The following FGFR2 variants were observed in gnomAD, a reference collection of about 807,000 sequenced individuals.
FGFR2 encodes BEK fibroblast growth factor receptor.
In FGFR2, 19 loss-of-function variants were observed where a neutral mutation model predicts 95.9. The ratio of observed to expected loss-of-function variants is 0.20; its 90% CI spans 0.14 to 0.29. FGFR2 has a LOEUF of 0.29. Ranked by LOEUF, FGFR2 falls within the 10% of genes least tolerant of loss-of-function variation. The probability of loss-of-function intolerance (pLI) is 1.00; values close to 1 mark genes in which losing one functional copy is unlikely to be tolerated. For synonymous variants in FGFR2, 392 were observed against 393.3 expected, an observed-to-expected ratio of 1.00 and a Z score of 0.04; for missense variants, 707 against 1,056.9, an observed-to-expected ratio of 0.67 and a Z score of 4.59.
At chr10:121,498,798 C>G (rs1564880074) in intron 11 of FGFR2, among the ~76,000 whole-genome samples, 193 bp from the exon 12 acceptor site, 1 of 152,216 alleles carries the variant, frequency 6.6e-6, no homozygotes, top group Non-Finnish European at 1.5e-5. Context: ...CACTCTGTGT[C>G]AAAGAGCTCA....
chr10:121,525,526 GCTCTGT>G (rs1851237327), intron 6 of FGFR2, among the ~76,000 whole-genome samples: 1 of 152,108 alleles, frequency 6.6e-6, no homozygotes, highest in Non-Finnish European at 1.5e-5. Flanking sequence ...ATCAGGATGG[GCTCTGT>G]CAAGCCCTGC....
chr10:121,484,623 T>C (rs796182517), intron 16 of FGFR2, among the ~76,000 whole-genome samples: 2 of 152,146 alleles, frequency 1.3e-5, no homozygotes, highest in African/African-American at 4.8e-5. Flanking sequence ...CTGGAGGGGT[T>C]GAGGCAGGAG....
At chr10:121,536,497 T>A (rs1311876040) in intron 6 of FGFR2, among the ~76,000 whole-genome samples, 2 of 152,208 alleles carry the variant, frequency 1.3e-5, no homozygotes, top group African/African-American at 4.8e-5. Flanking sequence ...CCACGCTCTC[T>A]CTACATTACA....
rs562107805 is a variant in FGFR2 at position 121,519,897 on chromosome 10, C to T, written c.939+82G>A. 11 of 1,366,838 alleles carry T rather than the reference C, an allele frequency of 8.0e-6. No individual in the cohort carries two copies. In the East Asian group the frequency reaches 2.1e-4, roughly 26 times the overall value. 84.7% of individuals were successfully genotyped at this position (1,366,838 alleles called of 1,614,324 possible). On this transcript the variant is annotated intron_variant, in intron 7 of 17. Transcript: ENST00000358487. ...AAAGAGAATCATCCTCTCTCAACTC[C>T]AACAGGAAATCAAAGAACCTGTGGC...
Position 121,500,814 on chromosome 10 carries a change from CT to C in FGFR2, c.1561+11del, listed in dbSNP as rs1427985259. The stretch of plus-strand genomic sequence containing the variant: ...CCCAGCCCCTCCCCGAGCCTCCCGC[CT>C]CCCCGCTCACCTTTCAACATCTTCA... On this transcript the variant is annotated intron_variant, in intron 11 of 17. Transcript: ENST00000358487. 1 of 1,613,700 alleles carries C rather than the reference CT, an allele frequency of 6.2e-7. No individual in the cohort carries two copies. The highest frequency in any genetic ancestry group is 8.5e-7 in the Non-Finnish European group (1 of 1,180,052).
intron 9 of FGFR2, among the ~76,000 whole-genome samples, chr10:121,512,961 C>G (rs546357105): frequency 6.6e-6 from 1 of 152,184 alleles, no homozygotes; most frequent in Non-Finnish European, 1.5e-5. Flanking sequence ...CCTCCACCTC[C>G]CAGGTTCAAG....
intron 2 of FGFR2, among the ~76,000 whole-genome samples, chr10:121,585,616 A>C (rs1214568527): frequency 6.6e-6 from 1 of 152,216 alleles, no homozygotes; most frequent in African/African-American, 2.4e-5. Context: ...GAGAGATTCA[A>C]ACCTACCTCC....
At chr10:121,563,352 T>C (rs761112990) in intron 4 of FGFR2, among the ~76,000 whole-genome samples, 50 of 152,034 alleles carry the variant, frequency 3.3e-4, no homozygotes, top group Non-Finnish European at 6.8e-4. Context: ...CCAGCCTGGG[T>C]GACAGAACAA....
chr10:121,517,279 G>A lies in FGFR2; in HGVS notation c.1084+40C>T, dbSNP rs1376159704. On this transcript the variant is annotated intron_variant, in intron 8 of 17. Transcript: ENST00000358487. The surrounding 1 kb of genome is among the most constrained non-coding windows in gnomAD (Gnocchi z 4.7). ...TGTTAATTTTATAGCAGTCAACCAA[G>A]AAAAGGGAAAAAAACCCAGAGAGAA... 1.9e-6 allele frequency: 3 copies of A among 1,611,544 alleles called. No individual in the cohort carries two copies. The highest frequency in any genetic ancestry group is 2.5e-6 in the Non-Finnish European group (3 of 1,177,888).
At chr10:121,581,096 A>G (rs1361275660) in intron 2 of FGFR2, among the ~76,000 whole-genome samples, 1 of 152,204 alleles carries the variant, frequency 6.6e-6, no homozygotes, top group East Asian at 1.9e-4. Flanking sequence ...AGTAACAGAA[A>G]AGAGATAGGA....
At chr10:121,545,671 C>T (rs950562454) in intron 5 of FGFR2, among the ~76,000 whole-genome samples, 1 of 152,184 alleles carries the variant, frequency 6.6e-6, no homozygotes, top group Non-Finnish European at 1.5e-5. Flanking sequence ...GTCATGATTT[C>T]TCCCCCTAAA....
intron 6 of FGFR2, among the ~76,000 whole-genome samples, chr10:121,525,631 GA>G (rs1851259903): frequency 6.6e-6 from 1 of 150,616 alleles, no homozygotes; most frequent in Non-Finnish European, 1.5e-5. Flanking sequence ...GAGGGAGAGA[GA>G]GAGAGAGAGA....
chr10:121,559,546 C>T (rs142852916), intron 4 of FGFR2, among the ~76,000 whole-genome samples: 2 of 152,328 alleles, frequency 1.3e-5, no homozygotes, highest in African/African-American at 2.4e-5. Flanking sequence ...CAGCTAAGAA[C>T]CGCTATCACT....
At chr10:121,542,397 G>A (rs1047338857) in intron 5 of FGFR2, among the ~76,000 whole-genome samples, 2 of 152,016 alleles carry the variant, frequency 1.3e-5, no homozygotes, top group Non-Finnish European at 1.5e-5. Flanking sequence ...CAACAAAAAA[G>A]TATAATAAAA....
intron 10 of FGFR2, among the ~76,000 whole-genome samples, chr10:121,502,926 A>G (rs1847786679): frequency 6.6e-6 from 1 of 152,108 alleles, no homozygotes; most frequent in Non-Finnish European, 1.5e-5. Flanking sequence ...CACTGACTCC[A>G]TGCCCCACAC....
Position 121,515,530 on chromosome 10 carries a change from G to A in FGFR2, c.1085-211C>T, listed in dbSNP as rs915586684. On this transcript the variant is annotated intron_variant, in intron 8 of 17. Transcript: ENST00000358487. ...CAGGTAGTCACTGTCACTAGCCTCA[G>A]TGGGCACCTGCAATCCAGTGAGTGG... Among the ~76,000 whole-genome samples the A allele has an allele frequency of 9.9e-5, 15 of 152,270 alleles. 1 individual carries two copies. Among genetic ancestry groups the A allele is most frequent in the Admixed American group, 9.8e-4 (15 of 15,288 alleles).
At chr10:121,576,962 C>G (rs962565294) in intron 2 of FGFR2, among the ~76,000 whole-genome samples, 1 of 149,976 alleles carries the variant, frequency 6.7e-6, no homozygotes, top group African/African-American at 2.5e-5. Context: ...TGGGGAGACC[C>G]CATCTCTATT....
At chr10:121,535,331 A>G (rs1450015937) in intron 6 of FGFR2, among the ~76,000 whole-genome samples, 1 of 152,260 alleles carries the variant, frequency 6.6e-6, no homozygotes, top group African/African-American at 2.4e-5. Flanking sequence ...GGTAAGTATC[A>G]TCATTCCGAT....
intron 9 of FGFR2, among the ~76,000 whole-genome samples, chr10:121,511,403 C>T (rs1849043546): frequency 6.6e-6 from 1 of 152,160 alleles, no homozygotes; most frequent in African/African-American, 2.4e-5. Context: ...AAACAGGCAT[C>T]CTCAGTTTCC....
Sources: allele counts gnomAD v4.1 joint callset (sites outside exome capture counted in the v4.1 genomes callset), GRCh38; gene constraint gnomAD v4.1.1; non-coding constraint Gnocchi (gnomAD v3.1); transcripts MANE v1.5; gene names NCBI Gene and HGNC (gene_info 2026-07-23, HGNC 2026-07-21).